FOCAD: variants seen among roughly 807,000 people sequenced by gnomAD.
The protein encoded by FOCAD is KIAA1797.
In FOCAD, 198 loss-of-function variants were observed where a neutral mutation model predicts 225.6. That is an observed-to-expected ratio of 0.88 (90% CI 0.78 to 0.99). The LOEUF is 0.99. FOCAD is among the 50% of genes least tolerant of loss of function. The probability of loss-of-function intolerance (pLI) is 0.00; values close to 1 mark genes in which losing one functional copy is unlikely to be tolerated. For synonymous variants in FOCAD, 897 were observed against 755.0 expected, an observed-to-expected ratio of 1.19 and a Z score of -3.08; for missense variants, 2,713 against 2,123.6, an observed-to-expected ratio of 1.28 and a Z score of -5.46.
intron 11 of FOCAD, among the ~76,000 whole-genome samples, chr9:20,810,750 A>G (rs531864720): frequency 2.6e-4 from 40 of 152,114 alleles, no homozygotes; most frequent in Non-Finnish European, 5.9e-5. Flanking sequence ...CAGATGGCTA[A>G]TGAGACTCAC....
At chr9:20,679,848 G>A (rs1822347968), upstream of FOCAD, among the ~76,000 whole-genome samples, 1 of 152,072 alleles carries the variant, frequency 6.6e-6, no homozygotes, top group African/African-American at 2.4e-5. Context: ...CGTCTGAGCT[G>A]GGCCTTCTGG....
chr9:20,764,300 C>G, intron 6 of FOCAD, among the ~76,000 whole-genome samples: 1 of 152,200 alleles, frequency 6.6e-6, no homozygotes, highest in Admixed American at 6.5e-5. Flanking sequence ...TGTTGCCAGG[C>G]TGGAGTGCAG....
chr9:20,993,627 A>G (rs1034639844), intron 43 of FOCAD, among the ~76,000 whole-genome samples: 2 of 152,212 alleles, frequency 1.3e-5, no homozygotes, highest in South Asian at 2.1e-4. Flanking sequence ...ACATGAATCA[A>G]GGTACTTGGT....
intron 19 of FOCAD, 39 bp from the exon 20 acceptor site, chr9:20,881,832 T>G (rs772587869): frequency 6.3e-7 from 1 of 1,586,288 alleles, no homozygotes; most frequent in South Asian, 1.1e-5. Flanking sequence ...TAGCTTATTG[T>G]ATTTACTCTA....
rs1587641635 is a variant in FOCAD at position 20,929,416 on chromosome 9, C to G, written c.3137C>G (p.Ala1046Gly). ...ATTGCCCGTTCTGCTGCCGCCACGG[C>G]TTTGTCTCTCCTTGTGCCAGTTTTC... ...SAIARSAAAT[A>G]LSLLVPVFII... Residue 1046 changes from alanine to glycine, a missense_variant, in exon 27 of 44, where the codon GCT (alanine) becomes GGT (glycine). Ala to Gly is a moderately conservative substitution (Grantham distance 60). Coordinates refer to ENST00000338382, the MANE Select transcript of FOCAD (RefSeq NM_001375567.1). 3 of 1,614,070 alleles carry G rather than the reference C, an allele frequency of 1.9e-6. No homozygotes were observed. Among genetic ancestry groups the G allele is most frequent in the Middle Eastern group, 1.6e-4 (1 of 6,062 alleles).
intron 20 of FOCAD, 93 bp downstream of exon 20, chr9:20,882,149 G>A: frequency 9.3e-7 from 1 of 1,075,854 alleles, no homozygotes; most frequent in East Asian, 2.4e-5. Context: ...ATGGCAGGGT[G>A]TTGCTGCTGC....
intron 20 of FOCAD, 61 bp from the exon 21 acceptor site, chr9:20,885,048 G>C (rs1830992879): frequency 9.8e-7 from 1 of 1,025,544 alleles, no homozygotes; most frequent in Admixed American, 4.4e-5. Context: ...AACAGAGTGA[G>C]ATTCTGTCTT....
At chr9:20,843,840 T>A (rs1183347432) in intron 15 of FOCAD, among the ~76,000 whole-genome samples, 1 of 152,154 alleles carries the variant, frequency 6.6e-6, no homozygotes, top group Non-Finnish European at 1.5e-5. Flanking sequence ...GATTGAAGAA[T>A]AGTGGCTTAG....
At chr9:20,762,694 T>C (rs1232254583) in intron 6 of FOCAD, among the ~76,000 whole-genome samples, 3 of 152,218 alleles carry the variant, frequency 2.0e-5, no homozygotes, top group Non-Finnish European at 4.4e-5. Flanking sequence ...TATTTTAGAT[T>C]CAGGGGTGTA....
intron 11 of FOCAD, among the ~76,000 whole-genome samples, chr9:20,798,846 C>T (rs1416088417): frequency 6.6e-6 from 1 of 151,990 alleles, no homozygotes; most frequent in South Asian, 2.1e-4. Context: ...GTCTCTATTT[C>T]CTTCAGTTCT....
chr9:20,801,730 T>C (rs1821860072), intron 11 of FOCAD, among the ~76,000 whole-genome samples: 1 of 152,136 alleles, frequency 6.6e-6, no homozygotes, highest in Non-Finnish European at 1.5e-5. Context: ...TACTTTTCTA[T>C]TGTATTTCAG....
chr9:20,982,559 A>G (rs1840796715), intron 39 of FOCAD, 113 bp downstream of exon 39: 1 of 773,776 alleles, frequency 1.3e-6, no homozygotes. Flanking sequence ...GTTATTGGTT[A>G]ATTTCAGGAA....
intron 19 of FOCAD, among the ~76,000 whole-genome samples, chr9:20,877,334 A>C (rs887645367): frequency 3.3e-5 from 5 of 152,182 alleles, no homozygotes; most frequent in African/African-American, 1.2e-4. Context: ...ACAATTCTGA[A>C]ATCTCAAAAA....
rs887993088 is a variant in FOCAD at position 20,750,480 on chromosome 9, A to G, written c.393-7610A>G. Among the ~76,000 whole-genome samples, 6 of 152,184 alleles carry G rather than the reference A, an allele frequency of 3.9e-5. No individual in the cohort carries two copies. The East Asian group carries it at 7.7e-4, about 20-fold the overall frequency. ...CAAATCACGAAATGGGGAAGTGCCA[A>G]AGGAGGTACAACAAATTGGATCATC... On this transcript the variant is annotated intron_variant, in intron 5 of 43. Transcript: ENST00000338382.
chr9:20,707,526 A>C (rs1306244160), intron 1 of FOCAD, among the ~76,000 whole-genome samples: 8 of 152,218 alleles, frequency 5.3e-5, no homozygotes. Flanking sequence ...TAAACAGTTG[A>C]TTCGTACACA....
intron 11 of FOCAD, among the ~76,000 whole-genome samples, chr9:20,799,027 C>T (rs538208297): frequency 6.6e-6 from 1 of 152,242 alleles, no homozygotes; most frequent in African/African-American, 2.4e-5. Flanking sequence ...GAATGTGTCC[C>T]AGAGATTCTG....
intron 15 of FOCAD, among the ~76,000 whole-genome samples, chr9:20,860,917 C>G (rs1453461073): frequency 6.6e-6 from 1 of 152,214 alleles, no homozygotes; most frequent in Non-Finnish European, 1.5e-5. Context: ...CTTTGATATT[C>G]TAAGTATGCT....
intron 15 of FOCAD, among the ~76,000 whole-genome samples, chr9:20,829,800 T>TA (rs1162230093): frequency 6.6e-6 from 1 of 152,124 alleles, no homozygotes; most frequent in Non-Finnish European, 1.5e-5. Flanking sequence ...TATATGAAAT[T>TA]AGCATAATGC....
chr9:20,900,199 C>T (rs1326097309), intron 21 of FOCAD, among the ~76,000 whole-genome samples: 1 of 151,902 alleles, frequency 6.6e-6, no homozygotes, highest in African/African-American at 2.4e-5. Flanking sequence ...GCTGATTTCT[C>T]CCTGGATGAG....
Sources: gnomAD v4.1 joint callset for allele counts (sites outside exome capture counted in the v4.1 genomes callset) on GRCh38, gnomAD v4.1.1 for gene constraint, MANE v1.5 for transcripts, NCBI Gene and HGNC (gene_info 2026-07-23, HGNC 2026-07-21) for gene names.